The following EYS variants were observed in gnomAD, a reference collection of about 807,000 sequenced individuals.
EYS encodes EGF-like photoreceptor maintenance factor.
EYS carries 250 observed loss-of-function variants against 282.1 expected under a neutral mutation model. That is an observed-to-expected ratio of 0.89 (90% CI 0.80 to 0.98). The LOEUF is 0.98. EYS is among the 50% of genes least tolerant of loss of function. EYS has a pLI of 0.00. For missense variants in EYS, 4,016 were observed against 3,709.0 expected, an observed-to-expected ratio of 1.08 and a Z score of -2.15; for synonymous variants, 1,355 against 1,282.9, an observed-to-expected ratio of 1.06 and a Z score of -1.20.
chr6:65,068,938 TTGCTAAAATACATC>T (rs71864441), intron 12 of EYS, among the ~76,000 whole-genome samples: 6,946 of 152,100 alleles, frequency 0.046, 212 homozygotes, highest in South Asian at 0.068. Flanking sequence ...ATATCTAATC[TTGCTAAAATACATC>T]ATCCTTTCAA....
chr6:65,563,862 T>C (rs1027737897), intron 2 of EYS, among the ~76,000 whole-genome samples: 4 of 152,122 alleles, frequency 2.6e-5, no homozygotes, highest in African/African-American at 4.8e-5. Flanking sequence ...GATGACATGA[T>C]TGTATATTTA....
chr6:65,670,124 A>G (rs1348459946), intron 1 of EYS, among the ~76,000 whole-genome samples: 6 of 152,012 alleles, frequency 3.9e-5, no homozygotes, highest in South Asian at 2.1e-4. Flanking sequence ...TCATCTTTCA[A>G]TGGAGGACTT....
intron 12 of EYS, among the ~76,000 whole-genome samples, chr6:65,059,342 G>T (rs1159269818): frequency 6.6e-6 from 1 of 152,088 alleles, no homozygotes; most frequent in African/African-American, 2.4e-5. Flanking sequence ...GAGTTTTTAA[G>T]AGCTGGGGTA....
intron 22 of EYS, among the ~76,000 whole-genome samples, chr6:64,756,851 A>C (rs1326259436): frequency 1.3e-5 from 2 of 151,660 alleles, no homozygotes; most frequent in Admixed American, 6.6e-5. Context: ...AAAGTCAAAA[A>C]ATTTTCTGAA....
intron 33 of EYS, among the ~76,000 whole-genome samples, chr6:64,036,297 G>T (rs1212838792): frequency 6.6e-6 from 1 of 152,180 alleles, no homozygotes; most frequent in Non-Finnish European, 1.5e-5. Flanking sequence ...GGAGTGAGTA[G>T]TGAGAGCTAA....
At chr6:64,404,422 C>T (rs552888008) in intron 28 of EYS, among the ~76,000 whole-genome samples, 30 of 150,988 alleles carry the variant, frequency 2.0e-4, no homozygotes, top group Admixed American at 4.6e-4. Context: ...TGCACGCACG[C>T]GTGTGAGCTT....
chr6:64,375,062 A>G (rs1411273748), intron 29 of EYS, among the ~76,000 whole-genome samples: 3 of 152,250 alleles, frequency 2.0e-5, no homozygotes, highest in African/African-American at 7.2e-5. Flanking sequence ...GAGTTAGTTC[A>G]TTACAAAGCA....
At chr6:63,947,450 C>T (rs1765432350) in intron 35 of EYS, among the ~76,000 whole-genome samples, 2 of 151,776 alleles carry the variant, frequency 1.3e-5, no homozygotes, top group African/African-American at 4.8e-5. Context: ...TAAATAATTA[C>T]TGCTATTAGC....
chr6:64,011,101 T>C (rs182895307), intron 33 of EYS, among the ~76,000 whole-genome samples: 86 of 152,314 alleles, frequency 5.6e-4, no homozygotes, highest in Non-Finnish European at 7.8e-4. Context: ...TTTCTATTTC[T>C]AGATTTATAT....
intron 5 of EYS, chr6:65,489,288 A>C (rs752180118): frequency 7.2e-5 from 11 of 152,210 alleles, no homozygotes; most frequent in East Asian, 1.9e-4. Context: ...AGAAGAAAGC[A>C]AGCAACCCCA....
chr6:65,633,801 TAA>T (rs1163822466), intron 2 of EYS, among the ~76,000 whole-genome samples: 1 of 152,174 alleles, frequency 6.6e-6, no homozygotes, highest in Non-Finnish European at 1.5e-5. Flanking sequence ...CTTTTGTAAA[TAA>T]AGTTTATTAA....
chr6:64,883,153 G>C (rs2150061151), intron 19 of EYS, among the ~76,000 whole-genome samples: 1 of 151,370 alleles, frequency 6.6e-6, no homozygotes, highest in Non-Finnish European at 1.5e-5. Context: ...TGTACTCAAG[G>C]CAGATTGTTT....
chr6:65,114,320 AT>A (rs61648453), intron 12 of EYS, among the ~76,000 whole-genome samples: 39,140 of 149,672 alleles, frequency 0.26, 6,357 homozygotes, highest in African/African-American at 0.45. Flanking sequence ...AGAATATCAT[AT>A]TTTTTTCTTA....
chr6:64,931,356 C>T (rs1459267231), intron 15 of EYS, among the ~76,000 whole-genome samples: 1 of 152,008 alleles, frequency 6.6e-6, no homozygotes, highest in African/African-American at 2.4e-5. Context: ...AATAACTCTT[C>T]ACAAAGTTAA....
chr6:64,220,541 C>T (rs1409235394), intron 31 of EYS, among the ~76,000 whole-genome samples: 1 of 152,080 alleles, frequency 6.6e-6, no homozygotes. Flanking sequence ...AGTATCTCTT[C>T]CCCAGGTTCA....
At chr6:65,197,307 T>C (rs1209200074) in intron 12 of EYS, among the ~76,000 whole-genome samples, 2 of 152,092 alleles carry the variant, frequency 1.3e-5, no homozygotes, top group Non-Finnish European at 2.9e-5. Context: ...GTGGAAGCTA[T>C]TACTTCTTTT....
At chr6:64,080,038 T>A (rs1172787405) in intron 32 of EYS, among the ~76,000 whole-genome samples, 2 of 152,236 alleles carry the variant, frequency 1.3e-5, no homozygotes, top group African/African-American at 4.8e-5. Context: ...TACGTGTTCA[T>A]GTGTCTTTAT....
chr6:64,188,637 C>T (rs932362104), intron 31 of EYS, among the ~76,000 whole-genome samples: 2 of 152,042 alleles, frequency 1.3e-5, no homozygotes, highest in Admixed American at 6.6e-5. Context: ...ATGGTGGATA[C>T]CCAACAATTT....
intron 1 of EYS, among the ~76,000 whole-genome samples, chr6:65,644,524 T>C (rs1487865173): frequency 6.6e-6 from 1 of 152,166 alleles, no homozygotes; most frequent in Non-Finnish European, 1.5e-5. Context: ...TCCCCAGCCT[T>C]GCTAGAGATC....
Sources: gnomAD v4.1 joint callset for allele counts (sites outside exome capture counted in the v4.1 genomes callset) on GRCh38, gnomAD v4.1.1 for gene constraint, MANE v1.5 for transcripts, NCBI Gene and HGNC (gene_info 2026-07-23, HGNC 2026-07-21) for gene names.